EMC1: variants seen among roughly 807,000 people sequenced by gnomAD.
EMC1 encodes the protein KIAA0090.
A neutral mutation model predicts 128.8 loss-of-function variants in EMC1; 103 were observed. That is an observed-to-expected ratio of 0.80 (90% confidence interval 0.68 to 0.94). The LOEUF is 0.94. EMC1 is among the 40% of genes least tolerant of loss of function. EMC1 has a pLI of 0.00. For missense variants in EMC1, 1,083 were observed against 1,250.6 expected (o/e 0.87, Z 2.02); for synonymous variants, 442 against 490.4 (o/e 0.90, Z 1.30).
At chr1:19,239,350 C>T in intron 8 of EMC1, 48 bp from the exon 9 acceptor site, 1 of 1,548,592 alleles carries the variant, frequency 6.5e-7, no homozygotes. Context: ...CAGTACTAGC[C>T]AGCTGCCTTA....
rs2151947528 is a variant in EMC1, at chr1:19,230,981, G to T, written c.1945-18C>A. The T allele has an allele frequency of 1.2e-6, 2 of 1,613,016 alleles. No homozygotes were observed. The highest frequency in any genetic ancestry group is 2.2e-5 in the South Asian group (2 of 91,020). ...GCTGTGACCTTGAAAAACCCAGAGA[G>T]CCCAAGGAAAGAGTTAGGAAATTTC... is the stretch of plus-strand genomic sequence containing the variant. On this transcript the variant is annotated intron_variant, in intron 16 of 22. Coordinates refer to ENST00000477853, the MANE Select transcript of EMC1 (RefSeq NM_015047.3).
At chr1:19,237,317 CCTGGACTTAACAGAGGTACAGG>C in intron 11 of EMC1, 79 bp from the exon 12 acceptor site, 1 of 983,832 alleles carries the variant, frequency 1.0e-6, no homozygotes, top group East Asian at 2.4e-5. Flanking sequence ...GGAGTCAAAG[CCTGGACTTAACAGAGGTACAGG>C]CCATGGCATT....
Position 19,240,396 on chromosome 1 carries a change from C to A in EMC1, c.687G>T (p.Val229=), listed in dbSNP as rs2093597867. 2 of 1,614,094 alleles carry A rather than the reference C, an allele frequency of 1.2e-6. No individual in the cohort carries two copies. The highest frequency in any genetic ancestry group is 2.7e-5 in the African/African-American group (2 of 74,930). Residue 229 remains valine, a synonymous_variant, in exon 7 of 23, where the codon GTG becomes GTT. Transcript: ENST00000477853. ...GACACACCAGGACAGCCTCATCCAC[C>A]ACACCACAGGCTCCAGACAGGTGCT... ...WLQHLSGACG[V]VDEAVLVCPD...
intron 1 of EMC1, among the ~76,000 whole-genome samples, chr1:19,245,920 C>T (rs1162844678): frequency 6.6e-6 from 1 of 152,020 alleles, no homozygotes; most frequent in Non-Finnish European, 1.5e-5. Context: ...AGTCACCACG[C>T]CCGACTGAGA....
rs369512133 is a variant in EMC1, at chr1:19,238,781, G to C, written c.1089+14C>G. On this transcript the variant is annotated intron_variant, in intron 10 of 22. Transcript: ENST00000477853. ...GTCTCTAGGTCTGGCATACTGCCCA[G>C]TGCCACACCATACCTTTGAACTAGA... 2.5e-6 allele frequency: 4 copies of C among 1,592,190 alleles called. No homozygotes were observed. Among genetic ancestry groups the C allele is most frequent in the Non-Finnish European group, 3.4e-6 (4 of 1,160,228 alleles).
Position 19,237,155 on chromosome 1 carries a change from G to C in EMC1, c.1296C>G (p.Phe432Leu), listed in dbSNP as rs753788724. The change falls in exon 12 of 23, where the codon TTC becomes TTG. Residue 432 changes from phenylalanine (F) to leucine (L), a missense_variant. Transcript: ENST00000477853. The part of the protein sequence containing the change: ...LVQTEDHLLL[F>L]LQQLAGKVVL... ...AGGTCTACTTACCCAACTGCTGCAG[G>C]AAAAGTAGCAGATGATCCTCTGTCT... 3.1e-6 allele frequency: 5 copies of C among 1,613,532 alleles called. No individual in the cohort carries two copies. In the African/African-American group the frequency reaches 5.3e-5, roughly 17 times the overall value.
chr1:19,224,366 G>T (rs2093455449), intron 18 of EMC1, among the ~76,000 whole-genome samples: 1 of 152,084 alleles, frequency 6.6e-6, no homozygotes, highest in Non-Finnish European at 1.5e-5. Context: ...TTTCTCAGAT[G>T]TTTCATCTGA....
chr1:19,249,934 T>C (rs767385568), intron 1 of EMC1, among the ~76,000 whole-genome samples: 7 of 151,456 alleles, frequency 4.6e-5, no homozygotes, highest in Non-Finnish European at 7.4e-5. Flanking sequence ...TTAAAAAGTC[T>C]TGGCTGGGCG....
At position 19,239,998 on chromosome 1, in the gene EMC1, A is replaced by G. The variant is rs143475773; in HGVS notation, c.787-13T>C. 6.5e-4 allele frequency: 1,043 copies of G among 1,606,828 alleles called. 6 individuals are homozygous for G. The African/African-American group carries it at 0.012, about 18-fold the overall frequency. ...CTAAGTCGAGAGACTGGAAGGCAAG[A>G]AGGAGGAGGATTATGGCTAACAGCT... On this transcript the variant is annotated splice_polypyrimidine_tract_variant and intron_variant, in intron 7 of 22. Coordinates refer to ENST00000477853, the MANE Select transcript of EMC1 (RefSeq NM_015047.3).
At position 19,251,501 on chromosome 1, in the gene EMC1, A is replaced by C; in HGVS notation, c.9T>G (p.Ala3=). ...AAAGCCAGAAACGAGAAGCCCACTCAGCCGCCATGATGCGAGCGCATGCAC... is the reference window on the plus strand; with the variant it reads ...AAAGCCAGAAACGAGAAGCCCACTCCGCCGCCATGATGCGAGCGCATGCAC... MA[A]EWASRFWLWA... is the part of the protein sequence containing the mutation. The change falls in exon 1 of 23, where the codon GCT becomes GCG. Residue 3 remains alanine, a synonymous_variant. Coordinates refer to ENST00000477853, the MANE Select transcript of EMC1 (RefSeq NM_015047.3). The C allele has an allele frequency of 6.2e-7, 1 of 1,614,108 alleles. No homozygotes were observed. Among genetic ancestry groups the C allele is most frequent in the Non-Finnish European group, 8.5e-7 (1 of 1,180,018 alleles).
chr1:19,235,351 T>C (rs963053050), intron 12 of EMC1, 99 bp from the exon 13 acceptor site: 4 of 1,299,280 alleles, frequency 3.1e-6, no homozygotes, highest in Non-Finnish European at 4.2e-6. Context: ...GTGAATCTCT[T>C]GAGCCCAGGA....
chr1:19,233,847 G>A (rs1195766337), intron 13 of EMC1, among the ~76,000 whole-genome samples: 1 of 152,150 alleles, frequency 6.6e-6, no homozygotes, highest in Non-Finnish European at 1.5e-5. Context: ...TTTTGCTTCT[G>A]GTTCCTCATC....
rs1465302014 is a variant in EMC1, at chr1:19,215,730, T to G, written c.*3573A>C. 4 of 152,230 alleles carry G rather than the reference T, an allele frequency of 2.6e-5. No individual in the cohort carries two copies. The highest frequency in any genetic ancestry group is 4.4e-5 in the Non-Finnish European group (3 of 68,054). 9.4% of individuals were successfully genotyped at this position (152,230 alleles called of 1,614,324 possible). A position where few individuals can be genotyped will look rare whatever the true frequency, so the allele number is the denominator to read the frequency against. Reference sequence around the variant, plus strand: ...CAGGGTCTCACTGTGTTGCCCAGACTGGAGTGCAGAGGCATGATCTCGGCT... The same window carrying G: ...CAGGGTCTCACTGTGTTGCCCAGACGGGAGTGCAGAGGCATGATCTCGGCT... On this transcript the variant is annotated 3_prime_UTR_variant, in exon 23 of 23. Transcript: ENST00000477853.
chr1:19,226,614 G>A (rs2093475674), intron 18 of EMC1, among the ~76,000 whole-genome samples: 1 of 152,002 alleles, frequency 6.6e-6, no homozygotes, highest in African/African-American at 2.4e-5. Flanking sequence ...GAGTGCAGCG[G>A]CACAATTGCA....
chr1:19,231,343 C>T lies in EMC1; in HGVS notation c.1862G>A (p.Arg621His), dbSNP rs368763123. Residue 621 changes from arginine to histidine, a missense_variant, in exon 16 of 23, where the codon CGC becomes CAC. By Grantham distance (29) the Arg-to-His change is conservative (BLOSUM62 0). Around this residue, in one of 3 missense-constraint regions of EMC1, gnomAD observed 527 missense variants for 644.1 expected, o/e 0.82. Transcript: ENST00000477853. ...GAGAAGCAAGGACTGCAAGATGGGG[C>T]GCTTCAGCACTGGGGGAGCTACCTG... ...WSQVAPPVLK[R>H]PILQSLLLPV... 9 of 1,611,830 alleles carry T rather than the reference C, an allele frequency of 5.6e-6. No individual in the cohort carries two copies. The highest frequency in any genetic ancestry group is 3.3e-5 in the South Asian group (3 of 90,720).
chr1:19,234,055 A>AACAC (rs139880093), intron 13 of EMC1: 16 of 276,508 alleles, frequency 5.8e-5, no homozygotes, highest in African/African-American at 3.2e-4. Context: ...CATGGCAGTC[A>AACAC]ACACACACAC....
At position 19,242,404 on chromosome 1, in the gene EMC1, T is replaced by C. The variant is rs2093611560; in HGVS notation, c.450A>G (p.Thr150=). ...VRYIAVLKKT[T]LALHHLSSGH... is the part of the protein sequence containing the mutation. ...CACTGGAGAGGTGATGGAGGGCAAG[T>C]GTAGTCTTCTTCAGGACTGCGATGT... Residue 150 remains threonine, a synonymous_variant, in exon 5 of 23, where the codon ACA becomes ACG. Transcript: ENST00000477853. The C allele has an allele frequency of 1.9e-6, 3 of 1,614,028 alleles. No individual in the cohort carries two copies. The highest frequency in any genetic ancestry group is 3.3e-5 in the Admixed American group (2 of 59,998).
intron 12 of EMC1, among the ~76,000 whole-genome samples, chr1:19,236,405 C>T (rs1448147796): frequency 6.6e-6 from 1 of 151,654 alleles, no homozygotes; most frequent in African/African-American, 2.4e-5. Context: ...ACCTGTAATC[C>T]CAGCACTTTG....
At position 19,238,037 on chromosome 1, in the gene EMC1, T is replaced by C; in HGVS notation, c.1192A>G (p.Ser398Gly). The change falls in exon 11 of 23, where the codon AGC (serine) becomes GGC (glycine). Residue 398 changes from serine (S) to glycine (G), a missense_variant. Physicochemically the swap from Ser to Gly is moderately conservative, Grantham distance 56. Coordinates refer to ENST00000477853, the MANE Select transcript of EMC1 (RefSeq NM_015047.3). ...DTTITFSLEQ[S>G]GTRPERLYIQ... ...CTTACCCGCTCAGGCCGAGTGCCGC[T>C]CTGTTCCAGGCTAAATGTTATCGTG... 1.2e-6 allele frequency: 2 copies of C among 1,613,972 alleles called. No individual in the cohort carries two copies. The highest frequency in any genetic ancestry group is 1.7e-6 in the Non-Finnish European group (2 of 1,179,944).
Sources: allele counts gnomAD v4.1 joint callset (sites outside exome capture counted in the v4.1 genomes callset), GRCh38; gene constraint gnomAD v4.1.1; regional missense constraint gnomAD v4.1.1; transcripts MANE v1.5; gene names NCBI Gene and HGNC (gene_info 2026-07-23, HGNC 2026-07-21).